CFAP47: variants seen among roughly 807,000 people sequenced by gnomAD.
CFAP47 encodes the protein cilia- and flagella-associated protein 47.
Under a neutral mutation model 148.1 loss-of-function variants are expected in CFAP47, and 29 were observed. The ratio of observed to expected loss-of-function variants is 0.20; its 90% CI spans 0.15 to 0.27. The LOEUF is 0.27. CFAP47 is among the 10% of genes least tolerant of loss of function. The probability of loss-of-function intolerance (pLI) is 1.00; values close to 1 mark genes in which losing one functional copy is unlikely to be tolerated. For synonymous variants in CFAP47, 664 were observed against 577.3 expected, an observed-to-expected ratio of 1.15 and a Z score of -2.15; for missense variants, 1,872 against 1,697.5, an observed-to-expected ratio of 1.10 and a Z score of -1.81.
At chrX:36,315,193 T>A (rs1556010746) in intron 56 of CFAP47, among the ~76,000 whole-genome samples, 1 of 112,483 alleles carries the variant, frequency 8.9e-6, no homozygotes, top group East Asian at 2.8e-4. Flanking sequence ...GAGTGTTTTG[T>A]TATATCCATC....
At position 36,325,799 on chromosome X, in the gene CFAP47, G is replaced by C. The variant is rs782490440; in HGVS notation, c.8443+6492G>C. The stretch of plus-strand genomic sequence containing the variant: ...CCCTCAGGAAAGGAGTTTTACCTTG[G>C]TCAGGTGACTCTCTTCAGCTGAAAT... On this transcript the variant is annotated intron_variant, in intron 57 of 63. Coordinates refer to ENST00000378653, the MANE Select transcript of CFAP47 (RefSeq NM_001304548.2). 1.4e-4 allele frequency among the ~76,000 whole-genome samples: 16 copies of C among 111,291 alleles called. No homozygotes were observed. The East Asian group carries it at 4.3e-3, about 30-fold the overall frequency.
At chrX:36,295,105 T>C (rs782172867) in intron 51 of CFAP47, among the ~76,000 whole-genome samples, 2 of 112,066 alleles carry the variant, frequency 1.8e-5, no homozygotes, top group South Asian at 7.4e-4. Context: ...GAAAAAATAT[T>C]GGGATACCTT....
At chrX:35,972,029 G>T in intron 13 of CFAP47, 64 bp downstream of exon 13, 1 of 725,427 alleles carries the variant, frequency 1.4e-6, no homozygotes, top group Non-Finnish European at 2.0e-6. Flanking sequence ...TTCTTAAAGT[G>T]TAATTTATAT....
intron 33 of CFAP47, among the ~76,000 whole-genome samples, chrX:36,126,637 G>T (rs913986379): frequency 2.1e-4 from 24 of 111,884 alleles, no homozygotes; most frequent in African/African-American, 7.2e-4. Flanking sequence ...GGGTCAAATG[G>T]TATTTCTAGT....
intron 40 of CFAP47, among the ~76,000 whole-genome samples, chrX:36,183,704 T>G (rs775318271): frequency 8.9e-6 from 1 of 111,910 alleles, no homozygotes; most frequent in African/African-American, 3.2e-5. Context: ...ATGATAAAAC[T>G]TTATATTCAT....
intron 39 of CFAP47, among the ~76,000 whole-genome samples, chrX:36,170,243 G>C (rs1342669038): frequency 9.0e-6 from 1 of 111,512 alleles, no homozygotes; most frequent in Non-Finnish European, 1.9e-5. Flanking sequence ...CTTACCTGTG[G>C]TTTTTGTTGC....
chrX:36,332,286 C>A (rs1456039223), intron 57 of CFAP47, among the ~76,000 whole-genome samples: 1 of 76,484 alleles, frequency 1.3e-5, no homozygotes, highest in African/African-American at 6.5e-5. Flanking sequence ...TTAATTACAA[C>A]TGAACTAAAA....
chrX:36,102,527 C>T (rs1360882665), intron 32 of CFAP47, among the ~76,000 whole-genome samples: 3 of 111,104 alleles, frequency 2.7e-5, no homozygotes, highest in Non-Finnish European at 5.7e-5. Context: ...GAATTAAGCA[C>T]TCAGTGTAAT....
In CFAP47 at chrX:36,332,917, A is replaced by T. The variant is rs188330758; in HGVS notation, c.8443+13610A>T. Reference sequence around the variant, plus strand: ...GCCAAGCCCATATGCAGCAAAGTATATACATAGGTTTAGGTAATTAGAGTG... The same window carrying T: ...GCCAAGCCCATATGCAGCAAAGTATTTACATAGGTTTAGGTAATTAGAGTG... On this transcript the variant is annotated intron_variant, in intron 57 of 63. Transcript: ENST00000378653. Among the ~76,000 whole-genome samples, 16 of 112,300 alleles carry T rather than the reference A, an allele frequency of 1.4e-4. No individual in the cohort carries two copies. The East Asian group carries it at 4.5e-3, about 31-fold the overall frequency.
chrX:36,014,175 T>C (rs1351611126), intron 21 of CFAP47, among the ~76,000 whole-genome samples: 1 of 111,933 alleles, frequency 8.9e-6, no homozygotes, highest in East Asian at 2.8e-4. Flanking sequence ...ATGAAACATC[T>C]TTCCATGTGC....
intron 16 of CFAP47, among the ~76,000 whole-genome samples, chrX:35,990,690 C>T (rs1235974580): frequency 9.0e-6 from 1 of 110,509 alleles, no homozygotes; most frequent in African/African-American, 3.3e-5. Context: ...TAGATACTGT[C>T]TAAGATCCCT....
intron 58 of CFAP47, among the ~76,000 whole-genome samples, chrX:36,348,887 A>T (rs1216414946): frequency 1.8e-5 from 2 of 111,722 alleles, no homozygotes; most frequent in Non-Finnish European, 3.8e-5. Context: ...ATAATCTGGA[A>T]ATCTTAGTTA....
At chrX:36,383,732 A>T (rs984409936) in intron 63 of CFAP47, among the ~76,000 whole-genome samples, 4 of 110,907 alleles carry the variant, frequency 3.6e-5, no homozygotes, top group Non-Finnish European at 5.7e-5. Flanking sequence ...ACATTCTTGC[A>T]CTTAATATTA....
intron 57 of CFAP47, among the ~76,000 whole-genome samples, chrX:36,337,076 A>G (rs996268373): frequency 1.8e-5 from 2 of 112,485 alleles, no homozygotes; most frequent in Non-Finnish European, 3.7e-5. Flanking sequence ...AGCCTAAAGC[A>G]TGTGAGTTTC....
Position 36,367,103 on chromosome X carries a change from A to G in CFAP47, c.9161A>G (p.Glu3054Gly). Residue 3054 changes from glutamate to glycine, a missense_variant, in exon 62 of 64, where the codon GAA (glutamate) becomes GGA (glycine). By Grantham distance (98) the Glu-to-Gly change is moderately conservative. Coordinates refer to ENST00000378653, the MANE Select transcript of CFAP47 (RefSeq NM_001304548.2). ...GVGLFKESVF[E>G]LRLKSQTRNP... ...GGTTTATTTAAGGAATCTGTTTTTG[A>G]ACTTAGGCTGAAAAGTCAGACAAGG... The G allele has an allele frequency of 8.7e-7, 1 of 1,155,997 alleles. No homozygotes were observed. The highest frequency in any genetic ancestry group is 3.3e-5 in the East Asian group (1 of 30,504).
At chrX:36,339,806 CT>C (rs1176911071) in intron 57 of CFAP47, among the ~76,000 whole-genome samples, 1 of 112,132 alleles carries the variant, frequency 8.9e-6, no homozygotes, top group East Asian at 2.8e-4. Context: ...AAAACTTTAA[CT>C]TACAGGTACT....
intron 45 of CFAP47, among the ~76,000 whole-genome samples, chrX:36,212,151 T>C (rs1940109390): frequency 8.9e-6 from 1 of 112,318 alleles, no homozygotes; most frequent in Non-Finnish European, 1.9e-5. Flanking sequence ...AGCTGTTTTG[T>C]TGACATTCTG....
At chrX:36,104,349 C>G in intron 32 of CFAP47, 150 bp from the exon 33 acceptor site, 1 of 318,149 alleles carries the variant, frequency 3.1e-6, no homozygotes, top group Non-Finnish European at 5.7e-6. Flanking sequence ...CACATCTGTT[C>G]TACTCTTTTA....
chrX:36,240,485 T>C (rs1354418820), intron 48 of CFAP47, among the ~76,000 whole-genome samples: 3 of 111,394 alleles, frequency 2.7e-5, no homozygotes, highest in Non-Finnish European at 5.6e-5. Context: ...ACGAGTACAA[T>C]GAGAATTATT....
Sources: allele counts gnomAD v4.1 joint callset (sites outside exome capture counted in the v4.1 genomes callset), GRCh38; gene constraint gnomAD v4.1.1; transcripts MANE v1.5; gene names NCBI Gene and HGNC (gene_info 2026-07-23, HGNC 2026-07-21).